Variants in ATXN7L1 observed in about 807,000 individuals in gnomAD.
ATXN7L1 encodes the protein ataxin-7-like protein 1.
In ATXN7L1, 15 loss-of-function variants were observed where a neutral mutation model predicts 70.8. That is an observed-to-expected ratio of 0.21 (90% CI 0.14 to 0.33). The LOEUF (loss-of-function observed/expected upper bound fraction) is 0.33, where lower values mean the gene tolerates loss of function less well. Among genes scored for constraint, ATXN7L1 ranks in the 10% least tolerant of loss-of-function variants. The pLI, the probability that ATXN7L1 is intolerant of heterozygous loss-of-function variation, is 1.00. For synonymous variants in ATXN7L1, 440 were observed against 445.1 expected, an observed-to-expected ratio of 0.99 and a Z score of 0.14; for missense variants, 975 against 1,097.1, an observed-to-expected ratio of 0.89 and a Z score of 1.57.
intron 2 of ATXN7L1, among the ~76,000 whole-genome samples, chr7:105,871,579 G>C (rs144003733): frequency 1.3e-5 from 2 of 151,844 alleles, no homozygotes; most frequent in African/African-American, 4.8e-5. Context: ...GCGTGGTGGC[G>C]CATGCCTGGA....
At chr7:105,719,306 G>A (rs191938203) in intron 3 of ATXN7L1, among the ~76,000 whole-genome samples, 6 of 152,168 alleles carry the variant, frequency 3.9e-5, no homozygotes, top group South Asian at 2.1e-4. Flanking sequence ...GGCTCCCACA[G>A]AGTAGCCCCC....
chr7:105,614,902 G>GCTACAGAGGACACCC lies in ATXN7L1; in HGVS notation c.1518-101_1518-87dup. 2 of 1,443,730 alleles carry GCTACAGAGGACACCC rather than the reference G, an allele frequency of 1.4e-6. No individual in the cohort carries two copies. Among genetic ancestry groups the GCTACAGAGGACACCC allele is most frequent in the South Asian group, 2.8e-5 (2 of 71,212 alleles). 89.4% of individuals were successfully genotyped at this position (1,443,730 alleles called of 1,614,324 possible). On this transcript the variant is annotated intron_variant, in intron 9 of 11. Transcript: ENST00000419735. This position sits in a 1 kb window ranked among gnomAD's most constrained non-coding sequence, Gnocchi z 4.3. ...GGCTCGATGACGTTTGAGGATCAGG[G>GCTACAGAGGACACCC]CTACAGAGGACACCCCGGCAGAACC...
intron 7 of ATXN7L1, among the ~76,000 whole-genome samples, chr7:105,632,490 CAAGA>C (rs1186720644): frequency 3.3e-5 from 5 of 151,894 alleles, no homozygotes; most frequent in African/African-American, 7.3e-5. Flanking sequence ...AATAAAAAGT[CAAGA>C]AAGAAAGAAT....
At chr7:105,739,798 C>T (rs1216433684) in intron 3 of ATXN7L1, among the ~76,000 whole-genome samples, 2 of 152,168 alleles carry the variant, frequency 1.3e-5, no homozygotes, top group Non-Finnish European at 2.9e-5. Flanking sequence ...CCGCCTGGCC[C>T]TGGTATTGGG....
intron 2 of ATXN7L1, among the ~76,000 whole-genome samples, chr7:105,817,496 T>TCA (rs1809364082): frequency 6.6e-6 from 1 of 152,244 alleles, no homozygotes; most frequent in African/African-American, 2.4e-5. Flanking sequence ...ACGAAGAATG[T>TCA]AACTTGCCCT....
rs1330505027 is a variant in ATXN7L1, at chr7:105,605,726, A to T, written c.*2126T>A. ...TACAACTCAAAATAAATTATAAAAAACAACAGACCTCTGAAACCGAACAAG... is the reference window on the plus strand; with the variant it reads ...TACAACTCAAAATAAATTATAAAAATCAACAGACCTCTGAAACCGAACAAG... On this transcript the variant is annotated 3_prime_UTR_variant, in exon 12 of 12. Coordinates refer to ENST00000419735, the MANE Select transcript of ATXN7L1 (RefSeq NM_020725.2). 1.3e-5 allele frequency: 2 copies of T among 152,340 alleles called. No individual in the cohort carries two copies. The highest frequency in any genetic ancestry group is 2.9e-5 in the Non-Finnish European group (2 of 68,022). 9.4% of individuals were successfully genotyped at this position (152,340 alleles called of 1,614,324 possible).
chr7:105,749,642 A>G (rs1798962663), intron 3 of ATXN7L1, among the ~76,000 whole-genome samples: 1 of 150,146 alleles, frequency 6.7e-6, no homozygotes, highest in Non-Finnish European at 1.5e-5. Context: ...AAAAAGAGTG[A>G]GAGGTTGTAT....
chr7:105,612,307 T>G (rs575347295), intron 10 of ATXN7L1, among the ~76,000 whole-genome samples: 1 of 152,334 alleles, frequency 6.6e-6, no homozygotes, highest in South Asian at 2.1e-4. Context: ...TAAAATGAGT[T>G]AATACACCTG....
intron 2 of ATXN7L1, among the ~76,000 whole-genome samples, chr7:105,804,315 A>G (rs193145958): frequency 1.4e-4 from 21 of 152,304 alleles, no homozygotes; most frequent in Non-Finnish European, 2.9e-5. Context: ...GGCCTGATTA[A>G]GAAGGGACTC....
intron 2 of ATXN7L1, among the ~76,000 whole-genome samples, chr7:105,867,847 G>A (rs139614527): frequency 5.9e-5 from 9 of 152,304 alleles, no homozygotes; most frequent in African/African-American, 2.2e-4. Flanking sequence ...GATATTTTTG[G>A]TTGTCTAAAC....
In ATXN7L1 at chr7:105,842,549, CT is replaced by C. The variant is rs1024134232; in HGVS notation, c.250+33262del. On this transcript the variant is annotated intron_variant, in intron 2 of 11. Coordinates refer to ENST00000419735, the MANE Select transcript of ATXN7L1 (RefSeq NM_020725.2). ...TATAGCAGGTATTGATATTTCACGC[CT>C]TTTTTTGGCTGAATAATTCTCATTG... Among the ~76,000 whole-genome samples the C allele has an allele frequency of 2.0e-5, 3 of 152,218 alleles. No homozygotes were observed. In the East Asian group the frequency reaches 5.8e-4, roughly 29 times the overall value.
chr7:105,690,611 A>G (rs1431425108), intron 3 of ATXN7L1, among the ~76,000 whole-genome samples: 1 of 152,176 alleles, frequency 6.6e-6, no homozygotes, highest in Non-Finnish European at 1.5e-5. Context: ...ATTTAACCCG[A>G]GGCACAATGA....
chr7:105,857,080 A>G (rs2116645902), intron 2 of ATXN7L1, among the ~76,000 whole-genome samples: 1 of 152,314 alleles, frequency 6.6e-6, no homozygotes, highest in East Asian at 1.9e-4. Flanking sequence ...ATAGCCCTCA[A>G]AGCCTTTGCT....
At chr7:105,813,098 T>G (rs1324927952) in intron 2 of ATXN7L1, among the ~76,000 whole-genome samples, 2 of 152,216 alleles carry the variant, frequency 1.3e-5, no homozygotes, top group African/African-American at 4.8e-5. Context: ...GCCTTTCAAC[T>G]GTTATGAATT....
rs117426875 is a variant in ATXN7L1, at chr7:105,642,823, G to A, written c.862+15C>T. 3.0e-4 allele frequency: 471 copies of A among 1,546,420 alleles called. 4 individuals carry two copies. The East Asian group carries it at 0.01, about 34-fold the overall frequency. On this transcript the variant is annotated intron_variant, in intron 5 of 11. Transcript: ENST00000419735. ...GTCTAATCATGAGTCAGACCCTGAC[G>A]ACACTGACACATACCTGAAAGTCTC...
intron 9 of ATXN7L1, among the ~76,000 whole-genome samples, chr7:105,619,186 C>CACCCAGGG (rs1183024246): frequency 1.7e-5 from 2 of 115,604 alleles, no homozygotes; most frequent in Non-Finnish European, 3.3e-5. Context: ...CTCCCTCTGT[C>CACCCAGGG]ACCCAGGGTG....
chr7:105,753,999 G>T (rs981499542), intron 3 of ATXN7L1, among the ~76,000 whole-genome samples: 4 of 152,072 alleles, frequency 2.6e-5, no homozygotes, highest in Non-Finnish European at 5.9e-5. Context: ...AATCCTTCTC[G>T]GTCTCAGTTT....
chr7:105,704,595 T>C (rs1457489357), intron 3 of ATXN7L1, among the ~76,000 whole-genome samples: 4 of 140,098 alleles, frequency 2.9e-5, no homozygotes, highest in Admixed American at 2.8e-4. Flanking sequence ...TTTTTTTTTT[T>C]TTTTTTTTTT....
At chr7:105,720,608 G>C (rs1303956524) in intron 3 of ATXN7L1, among the ~76,000 whole-genome samples, 1 of 152,046 alleles carries the variant, frequency 6.6e-6, no homozygotes, top group Non-Finnish European at 1.5e-5. Flanking sequence ...TTATTGTAGA[G>C]ATGAGATCTC....
Sources: gnomAD v4.1 joint callset for allele counts (sites outside exome capture counted in the v4.1 genomes callset) on GRCh38, gnomAD v4.1.1 for gene constraint, Gnocchi (gnomAD v3.1) non-coding constraint, MANE v1.5 for transcripts, NCBI Gene and HGNC (gene_info 2026-07-23, HGNC 2026-07-21) for gene names.